The following DENND5A variants were observed in gnomAD, a reference collection of about 807,000 sequenced individuals.
DENND5A encodes DENN domain containing 5A.
A neutral mutation model predicts 140.3 loss-of-function variants in DENND5A; 64 were observed. The ratio of observed to expected loss-of-function variants is 0.46; its 90% CI spans 0.37 to 0.56. The LOEUF (loss-of-function observed/expected upper bound fraction) is 0.56, where lower values mean the gene tolerates loss of function less well. DENND5A is among the 20% of genes least tolerant of loss of function. The pLI is 0.00. For synonymous variants in DENND5A, 605 were observed against 607.7 expected (o/e 1.00, Z 0.07); for missense variants, 1,292 against 1,593.8 (o/e 0.81, Z 3.22).
chr11:9,161,468 C>T (rs1441718770), intron 11 of DENND5A, among the ~76,000 whole-genome samples: 2 of 152,238 alleles, frequency 1.3e-5, no homozygotes, highest in African/African-American at 4.8e-5. Context: ...CAAATAAACC[C>T]TTCAGTCATG....
chr11:9,145,521 T>A (rs1359713886), intron 17 of DENND5A, 149 bp downstream of exon 17: 1 of 899,362 alleles, frequency 1.1e-6, no homozygotes, highest in East Asian at 2.4e-5. Context: ...AGTCTTTGGA[T>A]CCAGCCTCAG....
At chr11:9,197,807 T>C (rs1297338185) in intron 4 of DENND5A, among the ~76,000 whole-genome samples, 3 of 152,226 alleles carry the variant, frequency 2.0e-5, no homozygotes, top group Admixed American at 6.5e-5. Context: ...AAAAATTGGA[T>C]ATCCAGCTAC....
At chr11:9,190,574 G>C (rs191472091) in intron 5 of DENND5A, among the ~76,000 whole-genome samples, 216 of 152,256 alleles carry the variant, frequency 1.4e-3, no homozygotes, top group African/African-American at 4.3e-3. Context: ...GGCTTTCCCA[G>C]CCACATGGAA....
At chr11:9,147,534 A>G (rs1354455385) in intron 15 of DENND5A, among the ~76,000 whole-genome samples, 1 of 152,140 alleles carries the variant, frequency 6.6e-6, no homozygotes, top group Non-Finnish European at 1.5e-5. Flanking sequence ...GTGGCAGTGG[A>G]TGAAGGTCTG....
At chr11:9,187,020 G>A (rs1848936125) in intron 5 of DENND5A, among the ~76,000 whole-genome samples, 1 of 152,164 alleles carries the variant, frequency 6.6e-6, no homozygotes. Context: ...TGAAGCAGAG[G>A]TTGCAGTGAG....
chr11:9,228,249 T>A (rs924508169), intron 1 of DENND5A, among the ~76,000 whole-genome samples: 1 of 152,108 alleles, frequency 6.6e-6, no homozygotes, highest in African/African-American at 2.4e-5. Flanking sequence ...GGGCCACTAA[T>A]TTAGTGGCTT....
chr11:9,203,601 G>A (rs1475242314), intron 4 of DENND5A, 59 bp downstream of exon 4: 2 of 1,541,124 alleles, frequency 1.3e-6, no homozygotes, highest in African/African-American at 2.8e-5. Context: ...CACTGTATCT[G>A]AACATGGAAA....
chr11:9,166,739 G>A (rs941901008), intron 10 of DENND5A, among the ~76,000 whole-genome samples: 2 of 152,028 alleles, frequency 1.3e-5, no homozygotes, highest in Non-Finnish European at 2.9e-5. Context: ...GGCTGAGGCA[G>A]GAGAATTGCT....
At chr11:9,251,764 C>T (rs1346547097) in intron 1 of DENND5A, among the ~76,000 whole-genome samples, 1 of 151,780 alleles carries the variant, frequency 6.6e-6, no homozygotes, top group African/African-American at 2.4e-5. Context: ...CCGAGGCGGG[C>T]GGATTCCGAG....
chr11:9,234,575 A>G (rs1197142286), intron 1 of DENND5A, among the ~76,000 whole-genome samples: 5 of 152,248 alleles, frequency 3.3e-5, no homozygotes, highest in African/African-American at 1.2e-4. Flanking sequence ...AAATCTCTGC[A>G]GCACTGTGAC....
intron 1 of DENND5A, among the ~76,000 whole-genome samples, chr11:9,247,299 C>T (rs1457877288): frequency 6.6e-6 from 1 of 151,726 alleles, no homozygotes; most frequent in Non-Finnish European, 1.5e-5. Context: ...TCAGCTGCCT[C>T]GTCCTCCTTG....
At chr11:9,218,458 C>G (rs550517507) in intron 1 of DENND5A, among the ~76,000 whole-genome samples, 1 of 152,070 alleles carries the variant, frequency 6.6e-6, no homozygotes, top group Admixed American at 6.6e-5. Context: ...CATGCTTAGG[C>G]GGGATGCAGT....
chr11:9,226,940 G>A (rs1207520445), intron 1 of DENND5A, among the ~76,000 whole-genome samples: 12 of 152,016 alleles, frequency 7.9e-5, no homozygotes, highest in South Asian at 2.1e-4. Context: ...AGGCCAAGGC[G>A]GGCAGATCAC....
chr11:9,151,537 G>A (rs773219977), intron 13 of DENND5A, among the ~76,000 whole-genome samples: 12 of 152,150 alleles, frequency 7.9e-5, no homozygotes, highest in Non-Finnish European at 1.8e-4. Flanking sequence ...ACTAGTTCAA[G>A]GGCAACGAGT....
intron 1 of DENND5A, among the ~76,000 whole-genome samples, chr11:9,264,633 C>A (rs1330644832): frequency 6.6e-6 from 1 of 152,124 alleles, no homozygotes; most frequent in Non-Finnish European, 1.5e-5. Flanking sequence ...CCTTCCCTCC[C>A]TAATGGGTGC....
At position 9,206,776 on chromosome 11, in the gene DENND5A, T is replaced by C; in HGVS notation, c.188A>G (p.Asn63Ser). Residue 63 changes from asparagine to serine, a missense_variant, in exon 3 of 23, where the codon AAT (asparagine) becomes AGT (serine). Physicochemically the swap from Asn to Ser is conservative, Grantham distance 46. This residue lies in a region of DENND5A where 566 missense variants were observed against 650.4 expected (regional missense o/e 0.87). Coordinates refer to ENST00000328194, the MANE Select transcript of DENND5A (RefSeq NM_015213.4). ...TCTTCTCAATGGTGTCTGCTCAAAA[T>C]TTTCTCCTGTAAGAAAAAGAATGAA... ...PFISSTTEGENFEQTPLRRTF... is the reference protein window; with the variant it reads ...PFISSTTEGESFEQTPLRRTF... 6.2e-7 allele frequency: 1 copy of C among 1,609,382 alleles called. No individual in the cohort carries two copies. The highest frequency in any genetic ancestry group is 8.5e-7 in the Non-Finnish European group (1 of 1,175,916).
At chr11:9,238,566 G>A (rs1223099686) in intron 1 of DENND5A, among the ~76,000 whole-genome samples, 1 of 151,674 alleles carries the variant, frequency 6.6e-6, no homozygotes, top group Non-Finnish European at 1.5e-5. Context: ...ACAGGCGCCC[G>A]CCACCAAGCC....
At chr11:9,202,460 A>C (rs963505763) in intron 4 of DENND5A, among the ~76,000 whole-genome samples, 1 of 152,224 alleles carries the variant, frequency 6.6e-6, no homozygotes, top group Non-Finnish European at 1.5e-5. Flanking sequence ...GATCATAATA[A>C]AGCAAATGTG....
chr11:9,226,041 C>T (rs1850515691), intron 1 of DENND5A, among the ~76,000 whole-genome samples: 1 of 152,196 alleles, frequency 6.6e-6, no homozygotes, highest in South Asian at 2.1e-4. Context: ...GCTCATGCCA[C>T]TGCACTCCAG....
Sources: gnomAD v4.1 joint callset for allele counts (sites outside exome capture counted in the v4.1 genomes callset) on GRCh38, gnomAD v4.1.1 for gene constraint, gnomAD v4.1.1 regional missense constraint, MANE v1.5 for transcripts, NCBI Gene and HGNC (gene_info 2026-07-23, HGNC 2026-07-21) for gene names.